The following CCDC200 variants were observed in gnomAD, a reference collection of about 807,000 sequenced individuals.
CCDC200 encodes the protein coiled-coil domain-containing protein 200.
intron 3 of CCDC200, among the ~76,000 whole-genome samples, chr17:43,223,170 A>G (rs910645806): frequency 1.4e-5 from 2 of 147,964 alleles, no homozygotes; most frequent in African/African-American, 5.0e-5. Flanking sequence ...TCTCACCTTG[A>G]TCTCCCAAAG....
chr17:43,223,235 A>T (rs1598038590), intron 3 of CCDC200, among the ~76,000 whole-genome samples: 2 of 93,242 alleles, frequency 2.1e-5, no homozygotes, highest in Non-Finnish European at 2.4e-5. Context: ...AATTTTTTTC[A>T]ATTTTTTTCA....
chr17:43,230,502 C>T (rs1354311414), upstream of CCDC200, among the ~76,000 whole-genome samples: 3 of 48,210 alleles, frequency 6.2e-5, no homozygotes, highest in Non-Finnish European at 1.1e-4. Flanking sequence ...GCCAACTTGG[C>T]GAGACCTCCT....
intron 1 of CCDC200, among the ~76,000 whole-genome samples, chr17:43,225,446 C>T (rs905640083): frequency 7.3e-5 from 11 of 150,284 alleles, no homozygotes; most frequent in African/African-American, 1.5e-4. Context: ...GGGCGGATCA[C>T]GAGGTCAGGA....
intron 1 of CCDC200, among the ~76,000 whole-genome samples, chr17:43,225,976 C>T (rs1231503346): frequency 3.3e-5 from 5 of 151,874 alleles, no homozygotes; most frequent in Middle Eastern, 6.8e-3. Flanking sequence ...TTGTGATCCA[C>T]CCGCCTCGGC....
chr17:43,226,823 T>C (rs764211575), intron 1 of CCDC200, among the ~76,000 whole-genome samples: 9 of 152,204 alleles, frequency 5.9e-5, no homozygotes, highest in Non-Finnish European at 1.0e-4. Flanking sequence ...CAGCACATCT[T>C]AATTTGGACA....
chr17:43,228,125 A>AAAT (rs1469059948), intron 1 of CCDC200, among the ~76,000 whole-genome samples: 3 of 111,424 alleles, frequency 2.7e-5, no homozygotes, highest in Admixed American at 8.6e-5. Context: ...AAAAAAAAAA[A>AAAT]TTTGGTTCCT....
chr17:43,222,894 C>T lies in CCDC200; in HGVS notation c.480+662G>A, dbSNP rs1239716464. Among the ~76,000 whole-genome samples, 4 of 151,900 alleles carry T rather than the reference C, an allele frequency of 2.6e-5. No homozygotes were observed. In the East Asian group the frequency reaches 5.8e-4, roughly 22 times the overall value. On this transcript the variant is annotated intron_variant, in intron 3 of 3. Coordinates refer to ENST00000636331, the MANE Select transcript of CCDC200 (RefSeq NM_001363254.2). The stretch of plus-strand genomic sequence containing the variant: ...AAGTGATTCTCCTGCCTCAGCCTCC[C>T]GAGCAGCTGGGACTACAGGCACATG...
intron 1 of CCDC200, among the ~76,000 whole-genome samples, chr17:43,227,833 G>C (rs1299532996): frequency 6.6e-6 from 1 of 152,218 alleles, no homozygotes; most frequent in Non-Finnish European, 1.5e-5. Context: ...CACTGACCGG[G>C]CATCATGGCT....
upstream of CCDC200, among the ~76,000 whole-genome samples, chr17:43,230,678 G>GA (rs1194184063): frequency 0.026 from 178 of 6,914 alleles, 9 homozygotes; most frequent in African/African-American, 0.046. Flanking sequence ...CTTTGTCTCT[G>GA]AAAAAAAAAA....
intron 3 of CCDC200, among the ~76,000 whole-genome samples, 156 bp downstream of exon 3, chr17:43,223,400 G>A (rs1179603225): frequency 6.7e-6 from 1 of 149,674 alleles, no homozygotes; most frequent in Non-Finnish European, 1.5e-5. Flanking sequence ...CCATCCAGAA[G>A]TAATTTGAAA....
intron 1 of CCDC200, chr17:43,226,306 A>G (rs1009897089): frequency 1.1e-4 from 16 of 152,182 alleles, no homozygotes; most frequent in South Asian, 8.3e-4. Context: ...GGGCCGTCAC[A>G]CTCCAGGTTT....
At chr17:43,222,519 G>A (rs1243359110) in intron 3 of CCDC200, among the ~76,000 whole-genome samples, 1 of 151,914 alleles carries the variant, frequency 6.6e-6, no homozygotes, top group African/African-American at 2.4e-5. Flanking sequence ...CCTCTGTTGA[G>A]GAAGTTGTAT....
At chr17:43,227,038 G>A (rs1308515131) in intron 1 of CCDC200, among the ~76,000 whole-genome samples, 1 of 151,980 alleles carries the variant, frequency 6.6e-6, no homozygotes, top group Non-Finnish European at 1.5e-5. Context: ...GAGTGCAACG[G>A]CGCGATCTTG....
chr17:43,226,450 T>C (rs568543058), intron 1 of CCDC200: 5 of 152,232 alleles, frequency 3.3e-5, no homozygotes, highest in Non-Finnish European at 7.3e-5. Flanking sequence ...TGGAATATAG[T>C]GGCGTGATCA....
chr17:43,227,312 A>C (rs1236362758), intron 1 of CCDC200, among the ~76,000 whole-genome samples: 2 of 151,920 alleles, frequency 1.3e-5, no homozygotes, highest in African/African-American at 4.8e-5. Flanking sequence ...CCATCTCAAA[A>C]AAAAAATAAA....
At chr17:43,227,257 G>A (rs575754398) in intron 1 of CCDC200, among the ~76,000 whole-genome samples, 264 of 152,018 alleles carry the variant, frequency 1.7e-3, no homozygotes, top group Non-Finnish European at 2.7e-3. Context: ...GGGATTACAG[G>A]TGTGAGCCAC....
At chr17:43,227,037 G>A (rs573271827) in intron 1 of CCDC200, among the ~76,000 whole-genome samples, 41 of 151,970 alleles carry the variant, frequency 2.7e-4, no homozygotes, top group Non-Finnish European at 4.9e-4. Flanking sequence ...GGAGTGCAAC[G>A]GCGCGATCTT....
In CCDC200 at chr17:43,225,693, T is replaced by TAAAA. The variant is rs1282739067; in HGVS notation, c.106-1145_106-1144insTTTT. Among the ~76,000 whole-genome samples, 5 of 28,912 alleles carry TAAAA rather than the reference T, an allele frequency of 1.7e-4. 1 individual carries two copies. The highest frequency in any genetic ancestry group is 9.0e-4 in the Non-Finnish European group (4 of 4,436). The allele number at this position is 28,912 out of a possible 152,430, so 19.0% of individuals were successfully genotyped here. On this transcript the variant is annotated intron_variant, in intron 1 of 3. Transcript: ENST00000636331. The stretch of plus-strand genomic sequence containing the variant: ...AAAAAAAAAAAAGTATATATATATA[T>TAAAA]TGCATGCTACATGTGTAATTTTAAA...
At chr17:43,223,238 T>TTTTC (rs2057545359) in intron 3 of CCDC200, among the ~76,000 whole-genome samples, 2 of 111,648 alleles carry the variant, frequency 1.8e-5, no homozygotes, top group African/African-American at 2.9e-5. Context: ...TTTTTTCAAT[T>TTTTC]TTTTTCAATT....
Sources: allele counts gnomAD v4.1 joint callset (sites outside exome capture counted in the v4.1 genomes callset), GRCh38; gene constraint gnomAD v4.1.1; transcripts MANE v1.5; gene names NCBI Gene and HGNC (gene_info 2026-07-23, HGNC 2026-07-21).